KANK1: variants seen among roughly 807,000 people sequenced by gnomAD.
The protein encoded by KANK1 is KN motif and ankyrin repeat domain-containing protein 1.
In KANK1, 109 loss-of-function variants were observed where a neutral mutation model predicts 106.2. That is an observed-to-expected ratio of 1.03 (90% CI 0.88 to 1.20). The LOEUF (loss-of-function observed/expected upper bound fraction) is 1.20. KANK1 is among the 50% of genes most tolerant of loss of function. The pLI is 0.00. For synonymous variants in KANK1, 873 were observed against 652.2 expected (o/e 1.34, Z -5.16); for missense variants, 2,399 against 1,710.7 (o/e 1.40, Z -7.10).
intron 1 of KANK1, among the ~76,000 whole-genome samples, chr9:609,244 A>T (rs542511542): frequency 3.3e-5 from 5 of 152,348 alleles, no homozygotes; most frequent in South Asian, 2.1e-4. Context: ...AAAACATTTT[A>T]TAAGTTTATT....
intron 1 of KANK1, among the ~76,000 whole-genome samples, chr9:671,232 T>TG (rs1007742374): frequency 5.3e-5 from 8 of 151,978 alleles, no homozygotes; most frequent in African/African-American, 1.9e-4. Context: ...GGAGTTTTTT[T>TG]TTTGTTTGTT....
intron 1 of KANK1, among the ~76,000 whole-genome samples, chr9:545,457 G>A (rs1005025732): frequency 6.6e-6 from 1 of 152,190 alleles, no homozygotes; most frequent in Non-Finnish European, 1.5e-5. Context: ...GAGGTGATAA[G>A]ATCACCTAGT....
At chr9:653,366 A>G (rs1841355476) in intron 1 of KANK1, among the ~76,000 whole-genome samples, 1 of 152,100 alleles carries the variant, frequency 6.6e-6, no homozygotes, top group African/African-American at 2.4e-5. Flanking sequence ...ATGAGTCTCC[A>G]GTTCTCACAA....
intron 1 of KANK1, among the ~76,000 whole-genome samples, chr9:572,852 G>C (rs1182213490): frequency 2.0e-5 from 3 of 152,022 alleles, no homozygotes; most frequent in Non-Finnish European, 4.4e-5. Context: ...AAAAATTTCT[G>C]AAATAAAATT....
chr9:651,753 A>C (rs566945924), intron 1 of KANK1, among the ~76,000 whole-genome samples: 19 of 152,372 alleles, frequency 1.2e-4, no homozygotes, highest in Admixed American at 5.2e-4. Flanking sequence ...TTCAGTTCTT[A>C]GACTTGTGGA....
intron 2 of KANK1, among the ~76,000 whole-genome samples, chr9:690,050 G>GCCAAA (rs1819494006): frequency 4.6e-5 from 7 of 151,126 alleles, no homozygotes; most frequent in Non-Finnish European, 1.0e-4. Flanking sequence ...CACTTTGGGA[G>GCCAAA]GCTGAGGTGG....
intron 1 of KANK1, among the ~76,000 whole-genome samples, chr9:550,774 G>T (rs2061230909): frequency 6.6e-6 from 1 of 152,256 alleles, no homozygotes; most frequent in African/African-American, 2.4e-5. Context: ...TGAGCGTAAG[G>T]CCCAGGCATC....
intron 2 of KANK1, among the ~76,000 whole-genome samples, chr9:472,647 C>T (rs1370389222): frequency 6.6e-6 from 1 of 152,162 alleles, no homozygotes; most frequent in East Asian, 1.9e-4. Context: ...CCCTTGGAGC[C>T]CTGAGCTAGT....
intron 1 of KANK1, among the ~76,000 whole-genome samples, chr9:600,155 C>T (rs1431046240): frequency 2.3e-4 from 35 of 151,640 alleles, no homozygotes; most frequent in Admixed American, 6.6e-5. Flanking sequence ...AACTCTTTTT[C>T]ATCTTTCAAA....
chr9:636,011 C>T (rs1263991326), intron 1 of KANK1, among the ~76,000 whole-genome samples: 1 of 152,070 alleles, frequency 6.6e-6, no homozygotes, highest in African/African-American at 2.4e-5. Flanking sequence ...TCAGTTTCTG[C>T]GTGGTACATA....
chr9:636,021 A>G (rs764875466), intron 1 of KANK1, among the ~76,000 whole-genome samples: 21 of 152,100 alleles, frequency 1.4e-4, no homozygotes, highest in South Asian at 4.1e-4. Context: ...CGTGGTACAT[A>G]TAGCCTTTAG....
intron 1 of KANK1, among the ~76,000 whole-genome samples, chr9:669,183 G>A (rs1011086936): frequency 6.6e-6 from 1 of 152,136 alleles, no homozygotes; most frequent in Non-Finnish European, 1.5e-5. Context: ...AGCTGTTAGG[G>A]TTTTTGATAG....
Position 742,162 on chromosome 9 carries a change from G to T in KANK1, c.3697-43G>T, listed in dbSNP as rs752646501. The T allele has an allele frequency of 3.2e-6, 5 of 1,564,964 alleles. No individual in the cohort carries two copies. In the South Asian group the frequency reaches 4.5e-5, roughly 14 times the overall value. On this transcript the variant is annotated intron_variant, in intron 9 of 11. Coordinates refer to ENST00000382297, the MANE Select transcript of KANK1 (RefSeq NM_015158.5). ...GCCCCACTAGAGGCCACCACTGCCA[G>T]CTCAGTACGTACTTCTGAAGTCCTT...
chr9:561,377 A>T (rs369859161), intron 1 of KANK1, among the ~76,000 whole-genome samples: 2 of 152,234 alleles, frequency 1.3e-5, no homozygotes, highest in East Asian at 3.8e-4. Context: ...TTTAATGGCT[A>T]CATAGCATCT....
chr9:507,208 C>T (rs1316014556), intron 1 of KANK1, among the ~76,000 whole-genome samples: 6 of 149,228 alleles, frequency 4.0e-5, no homozygotes, highest in African/African-American at 1.5e-4. Context: ...TAAAAAATAA[C>T]CGGATATGGT....
intron 6 of KANK1, 118 bp from the exon 7 acceptor site, chr9:734,630 C>T (rs1314303593): frequency 4.3e-5 from 28 of 644,240 alleles, no homozygotes; most frequent in Non-Finnish European, 6.3e-5. Flanking sequence ...CATGCCACTG[C>T]ACTCCAGCCT....
intron 1 of KANK1, among the ~76,000 whole-genome samples, chr9:538,964 T>C (rs2060447106): frequency 2.6e-5 from 4 of 152,298 alleles, no homozygotes; most frequent in African/African-American, 9.6e-5. Flanking sequence ...CACTGCAGCC[T>C]CCACCTCCTG....
chr9:474,513 G>T (rs961780538), intron 3 of KANK1, among the ~76,000 whole-genome samples: 1 of 152,194 alleles, frequency 6.6e-6, no homozygotes, highest in Admixed American at 6.5e-5. Flanking sequence ...CTCAATAAAT[G>T]TCAGCGATTA....
In KANK1 at chr9:543,648, C is replaced by G. The variant is rs183313006; in HGVS notation, c.-84+38894C>G. On this transcript the variant is annotated intron_variant, in intron 1 of 11. Transcript: ENST00000382297. ...TCCTTCTACGGAAGTCAGTACAGATCTCAATGACTTGTTCTCATTTCACCA... is the reference window on the plus strand; with the variant it reads ...TCCTTCTACGGAAGTCAGTACAGATGTCAATGACTTGTTCTCATTTCACCA... Among the ~76,000 whole-genome samples the G allele has an allele frequency of 2.6e-3, 393 of 151,956 alleles. 2 individuals are homozygous for G. Among genetic ancestry groups the G allele is most frequent in the African/African-American group, 9.2e-3 (381 of 41,480 alleles).
Sources: gnomAD v4.1 joint callset for allele counts (sites outside exome capture counted in the v4.1 genomes callset) on GRCh38, gnomAD v4.1.1 for gene constraint, MANE v1.5 for transcripts, NCBI Gene and HGNC (gene_info 2026-07-23, HGNC 2026-07-21) for gene names.